MORC2: variants seen among roughly 807,000 people sequenced by gnomAD.
MORC2 encodes the protein MORC family CW-type zinc finger 2, also known as ATPase MORC2.
In MORC2, 30 loss-of-function variants were observed where a neutral mutation model predicts 136.0. The ratio of observed to expected loss-of-function variants is 0.22; its 90% CI spans 0.17 to 0.30. The LOEUF is 0.30. Among genes scored for constraint, MORC2 ranks in the 10% least tolerant of loss-of-function variants. The pLI is 1.00. For synonymous variants in MORC2, 439 were observed against 487.0 expected (o/e 0.90, Z 1.30); for missense variants, 922 against 1,333.1 (o/e 0.69, Z 4.80).
Position 30,932,645 on chromosome 22 carries a change from C to T in MORC2, c.2647G>A (p.Val883Ile), listed in dbSNP as rs775447036. ...VGPVAQQAIA[V>I]AEPSTSECLR... ...CATTCGGAAGTGGAGGGCTCTGCGACAGCTATGGCCTGCTGGGCCACAGGG... is the reference window on the plus strand; with the variant it reads ...CATTCGGAAGTGGAGGGCTCTGCGATAGCTATGGCCTGCTGGGCCACAGGG... The change falls in exon 23 of 26, where the codon GTC (valine) becomes ATC (isoleucine). Residue 883 changes from valine to isoleucine, a missense_variant. This residue lies in a region of MORC2 where 263 missense variants were observed against 388.3 expected (regional missense o/e 0.68). Coordinates refer to ENST00000397641, the MANE Select transcript of MORC2 (RefSeq NM_001303256.3). The surrounding 1 kb of genome is among the most constrained non-coding windows in gnomAD (Gnocchi z 4.4). 15 of 1,614,070 alleles carry T rather than the reference C, an allele frequency of 9.3e-6. No individual in the cohort carries two copies. The South Asian group carries it at 1.5e-4, about 17-fold the overall frequency.
At chr22:30,936,264 G>A (rs2040650400) in intron 17 of MORC2, among the ~76,000 whole-genome samples, 1 of 152,168 alleles carries the variant, frequency 6.6e-6, no homozygotes, top group Non-Finnish European at 1.5e-5. Context: ...CATTCTAAAT[G>A]AATTGGACCA....
Position 30,946,428 on chromosome 22 carries a change from C to T in MORC2, c.339G>A (p.Lys113=). Residue 113 remains lysine (K), a synonymous_variant, in exon 6 of 26, where the codon AAG becomes AAA. Transcript: ENST00000397641. ...CCTTCTTGGTGAACAGGATAAAATC[C>T]TTCCCAATGCGCATTGAGCCCCTGA... ...GLKSGSMRIG[K]DFILFTKKED... 6.2e-7 allele frequency: 1 copy of T among 1,609,502 alleles called. No individual in the cohort carries two copies. Among genetic ancestry groups the T allele is most frequent in the Non-Finnish European group, 8.5e-7 (1 of 1,177,766 alleles).
chr22:30,962,150 C>T (rs538680422), intron 1 of MORC2, among the ~76,000 whole-genome samples: 11 of 150,352 alleles, frequency 7.3e-5, no homozygotes, highest in South Asian at 2.1e-4. Flanking sequence ...TGCAGTGAGC[C>T]GACATTGTGA....
chr22:30,967,917 C>A lies in MORC2; in HGVS notation c.-28G>T, dbSNP rs1302154498. The A allele has an allele frequency of 3.4e-6, 5 of 1,478,818 alleles. No individual in the cohort carries two copies. In the East Asian group the frequency reaches 9.9e-5, roughly 29 times the overall value. The allele number at this position is 1,478,818 out of a possible 1,614,324, so 91.6% of individuals were successfully genotyped here. ...CTGCAATAAGGTCTCCAGCCCTTCA[C>A]CCGCTAACTGGGAAATATAACCTTA... On this transcript the variant is annotated 5_prime_UTR_variant, in exon 1 of 26. Transcript: ENST00000397641.
chr22:30,963,378 C>A, intron 1 of MORC2: 4 of 885,282 alleles, frequency 4.5e-6, no homozygotes, highest in Non-Finnish European at 5.4e-6. Flanking sequence ...TCACTTTCAA[C>A]TGATTATGGC....
At chr22:30,936,731 G>A (rs1210848168) in intron 16 of MORC2, 88 bp from the exon 17 acceptor site, 2 of 1,528,130 alleles carry the variant, frequency 1.3e-6, no homozygotes, top group East Asian at 2.3e-5. Context: ...TACACTGTCT[G>A]TCACAAGAGC....
chr22:30,929,859 A>G (rs563386674), intron 24 of MORC2: 20 of 152,306 alleles, frequency 1.3e-4, no homozygotes, highest in African/African-American at 4.6e-4. Flanking sequence ...AAGCTAATAT[A>G]CTTTTTTTTT....
In MORC2 at chr22:30,967,858, C is replaced by T. The variant is rs1034098965; in HGVS notation, c.32G>A (p.Arg11Gln). The change falls in exon 1 of 26, where the codon CGA becomes CAA. Residue 11 changes from arginine (R) to glutamine (Q), a missense_variant. Arg to Gln is a conservative substitution (Grantham distance 43). Transcript: ENST00000397641. MAFTNYSSLN[R>Q]AQLTFEYLHT... ...CAGATATTCAAAGGTTAGCTGAGCT[C>T]GATTCAGACTGCTGTAATTTGTGAA... 9 of 1,551,006 alleles carry T rather than the reference C, an allele frequency of 5.8e-6. No individual in the cohort carries two copies. The highest frequency in any genetic ancestry group is 5.5e-5 in the African/African-American group (4 of 73,036).
Position 30,926,838 on chromosome 22 carries a change from C to T in MORC2, c.3064G>A (p.Ala1022Thr), listed in dbSNP as rs12330040. Reference sequence around the variant, plus strand: ...TTGGTGATGAGGTCCTCAATGTAGGCGTCCAGCTCATCATCTGTGTTGATG... The same window carrying T: ...TTGGTGATGAGGTCCTCAATGTAGGTGTCCAGCTCATCATCTGTGTTGATG... ...IDINTDDELD[A>T]YIEDLITKGD Residue 1022 changes from alanine (A) to threonine (T), a missense_variant, in exon 26 of 26, where the codon GCC becomes ACC. Ala to Thr is a moderately conservative substitution (Grantham distance 58, BLOSUM62 0). Around this residue, in one of 9 missense-constraint regions of MORC2, gnomAD observed 263 missense variants for 388.3 expected, o/e 0.68. Transcript: ENST00000397641. 3.7e-6 allele frequency: 6 copies of T among 1,613,694 alleles called. No individual in the cohort carries two copies. Among genetic ancestry groups the T allele is most frequent in the Admixed American group, 1.7e-5 (1 of 59,990 alleles).
chr22:30,943,618 G>C (rs541826977), intron 6 of MORC2, among the ~76,000 whole-genome samples: 26 of 152,232 alleles, frequency 1.7e-4, no homozygotes, highest in Non-Finnish European at 3.2e-4. Flanking sequence ...TTCCTCTGCA[G>C]AGCAGGCCAG....
At position 30,937,948 on chromosome 22, in the gene MORC2, C is replaced by T. The variant is rs976154752; in HGVS notation, c.1236G>A (p.Gly412=). Residue 412 remains glycine (G), a synonymous_variant, in exon 14 of 26, where the codon GGG becomes GGA. Transcript: ENST00000397641. This position sits in a 1 kb window ranked among gnomAD's most constrained non-coding sequence, Gnocchi z 4.7. The part of the protein sequence containing the change: ...EGGMACGGVV[G]VVDVPYLVLE... Reference sequence around the variant, plus strand: ...GGACCAGGTAGGGCACATCAACAACCCCAACAACCCCGCCACATGCCCTAC... The same window carrying T: ...GGACCAGGTAGGGCACATCAACAACTCCAACAACCCCGCCACATGCCCTAC... The T allele has an allele frequency of 1.2e-6, 2 of 1,613,934 alleles. No homozygotes were observed. The highest frequency in any genetic ancestry group is 1.7e-6 in the Non-Finnish European group (2 of 1,180,022).
rs764097903 is a variant in MORC2 at position 30,939,653 on chromosome 22, A to G, written c.1041T>C (p.Asp347=). 1.1e-5 allele frequency: 17 copies of G among 1,614,076 alleles called. No individual in the cohort carries two copies. The highest frequency in any genetic ancestry group is 4.0e-5 in the African/African-American group (3 of 74,934). ...NRAITLRREA[D]VKKRIKEAKQ... is the part of the protein sequence containing the mutation. ...TGGCCTCCTTGATCCTCTTCTTGAC[A>G]TCGGCTTCTCTGCGCAGAGTGATGG... The change falls in exon 12 of 26, where the codon GAT becomes GAC. Residue 347 remains aspartate, a synonymous_variant. Coordinates refer to ENST00000397641, the MANE Select transcript of MORC2 (RefSeq NM_001303256.3).
chr22:30,940,718 A>T, intron 10 of MORC2, 40 bp downstream of exon 10: 1 of 1,580,678 alleles, frequency 6.3e-7, no homozygotes, highest in Non-Finnish European at 8.7e-7. Context: ...CATACCCCAG[A>T]TGCACACCCC....
Position 30,967,378 on chromosome 22 carries a change from G to C in MORC2, c.68+444C>G, listed in dbSNP as rs940698377. 4.1e-6 allele frequency: 4 copies of C among 986,448 alleles called. No individual in the cohort carries two copies. The African/African-American group carries it at 7.0e-5, about 17-fold the overall frequency. 61.1% of individuals were successfully genotyped at this position (986,448 alleles called of 1,614,324 possible). ...CTGAAAAAATAAAAATTTTCTTCTTGAAAGTTGTCATTTAAATGTCTTCTG... is the reference window on the plus strand; with the variant it reads ...CTGAAAAAATAAAAATTTTCTTCTTCAAAGTTGTCATTTAAATGTCTTCTG... On this transcript the variant is annotated intron_variant, in intron 1 of 25. Coordinates refer to ENST00000397641, the MANE Select transcript of MORC2 (RefSeq NM_001303256.3).
Position 30,942,215 on chromosome 22 carries a change from A to G in MORC2, c.483T>C (p.Asn161=), listed in dbSNP as rs140735161. 131 of 1,613,968 alleles carry G rather than the reference A, an allele frequency of 8.1e-5. No individual in the cohort carries two copies. Among genetic ancestry groups the G allele is most frequent in the Non-Finnish European group, 1.1e-4 (127 of 1,180,030 alleles). ...NARTREPVTD[N]VEKFAIETEL... ...CTGTCTCAATGGCAAATTTCTCTAC[A>G]TTGTCTGTGACAGGTTCCCGGGTCC... The change falls in exon 7 of 26, where the codon AAT becomes AAC. Residue 161 remains asparagine (N), a synonymous_variant. Transcript: ENST00000397641.
In MORC2 at chr22:30,937,241, G is replaced by A. The variant is rs1337762347; in HGVS notation, c.1499-204C>T. Among the ~76,000 whole-genome samples, 1 of 152,072 alleles carries A rather than the reference G, an allele frequency of 6.6e-6. No homozygotes were observed. The highest frequency in any genetic ancestry group is 1.5e-5 in the Non-Finnish European group (1 of 68,010). On this transcript the variant is annotated intron_variant, in intron 15 of 25. Transcript: ENST00000397641. The surrounding 1 kb of genome is among the most constrained non-coding windows in gnomAD (Gnocchi z 4.7). ...GGAAGGATGGAAACTTAATATGCTG[G>A]ACTCTTAACACCCCCAGCCCCTCTC...
At position 30,941,735 on chromosome 22, in the gene MORC2, A is replaced by C. The variant is rs1337227917; in HGVS notation, c.698+156T>G. Among the ~76,000 whole-genome samples the C allele has an allele frequency of 6.6e-6, 1 of 152,058 alleles. No homozygotes were observed. The highest frequency in any genetic ancestry group is 1.5e-5 in the Non-Finnish European group (1 of 68,004). ...CACATCCCGCCCCTCTCACGTCCTC[A>C]GCACAGGCACCCCACAGGCAACTGA... On this transcript the variant is annotated intron_variant, in intron 8 of 25. Coordinates refer to ENST00000397641, the MANE Select transcript of MORC2 (RefSeq NM_001303256.3). The surrounding 1 kb of genome is among the most constrained non-coding windows in gnomAD (Gnocchi z 4.6).
chr22:30,950,392 C>T lies in MORC2; in HGVS notation c.211G>A (p.Ala71Thr). 6.7e-7 allele frequency: 1 copy of T among 1,487,798 alleles called. No individual in the cohort carries two copies. The allele number at this position is 1,487,798 out of a possible 1,614,324, so 92.2% of individuals were successfully genotyped here. The change falls in exon 4 of 26, where the codon GCA becomes ACA. Residue 71 changes from alanine (A) to threonine (T), a missense_variant. Physicochemically the swap from Ala to Thr is moderately conservative, Grantham distance 58. Coordinates refer to ENST00000397641, the MANE Select transcript of MORC2 (RefSeq NM_001303256.3). ...CATCACTTACTTGGATCCATTCCTGCTCCATCATCCAAAAAGCAAAGCATA... is the reference window on the plus strand; with the variant it reads ...CATCACTTACTTGGATCCATTCCTGTTCCATCATCCAAAAAGCAAAGCATA... ...GFMLCFLDDG[A>T]GMDPSDAASV...
In MORC2 at chr22:30,928,966, A is replaced by G. The variant is rs4820917; in HGVS notation, c.2842-759T>C. On this transcript the variant is annotated intron_variant, in intron 24 of 25. Coordinates refer to ENST00000397641, the MANE Select transcript of MORC2 (RefSeq NM_001303256.3). ...CCACTGTGATGAACACACACGCCAC[A>G]ACCAGCAGGTGCTAGCTGGCTGCTG... 4.8e-3 allele frequency among the ~76,000 whole-genome samples: 734 copies of G among 152,368 alleles called. 1 individual carries two copies. Among genetic ancestry groups the G allele is most frequent in the Middle Eastern group, 0.017 (5 of 294 alleles).
Sources: allele counts gnomAD v4.1 joint callset (sites outside exome capture counted in the v4.1 genomes callset), GRCh38; gene constraint gnomAD v4.1.1; regional missense constraint gnomAD v4.1.1; non-coding constraint Gnocchi (gnomAD v3.1); transcripts MANE v1.5; gene names NCBI Gene and HGNC (gene_info 2026-07-23, HGNC 2026-07-21).